GC: variants seen among roughly 807,000 people sequenced by gnomAD.
The protein encoded by GC is vitamin D-binding protein.
Under a neutral mutation model 56.7 loss-of-function variants are expected in GC, and 43 were observed. That is an observed-to-expected ratio of 0.76 (90% CI 0.59 to 0.98). The LOEUF (loss-of-function observed/expected upper bound fraction) is 0.98, where lower values mean the gene tolerates loss of function less well. Ranked by LOEUF, GC falls within the 50% of genes least tolerant of loss-of-function variation. The pLI is 0.00. For synonymous variants in GC, 216 were observed against 202.7 expected, an observed-to-expected ratio of 1.07 and a Z score of -0.56; for missense variants, 529 against 545.9, an observed-to-expected ratio of 0.97 and a Z score of 0.31.
intron 1 of GC, among the ~76,000 whole-genome samples, chr4:71,796,063 G>A (rs548173454): frequency 1.3e-5 from 2 of 152,280 alleles, no homozygotes; most frequent in East Asian, 3.9e-4. Context: ...TGGGTAACCC[G>A]ACCTTTCTCT....
intron 1 of GC, among the ~76,000 whole-genome samples, chr4:71,771,820 T>C (rs1742352804): frequency 6.6e-6 from 1 of 152,162 alleles, no homozygotes; most frequent in South Asian, 2.1e-4. Flanking sequence ...TGGTATTTTA[T>C]GGAATTGAAG....
chr4:71,789,251 A>G (rs1435750786), intron 1 of GC, among the ~76,000 whole-genome samples: 2 of 151,966 alleles, frequency 1.3e-5, no homozygotes, highest in South Asian at 2.1e-4. Flanking sequence ...ACCCTGATAG[A>G]TGTCCCCAAA....
intron 11 of GC, among the ~76,000 whole-genome samples, chr4:71,747,992 A>C (rs779531593): frequency 6.6e-6 from 1 of 152,206 alleles, no homozygotes; most frequent in African/African-American, 2.4e-5. Context: ...TGCTTTTGTC[A>C]TGACTAGCTA....
intron 1 of GC, among the ~76,000 whole-genome samples, chr4:71,780,908 T>A (rs565486574): frequency 6.6e-6 from 1 of 152,120 alleles, no homozygotes; most frequent in East Asian, 1.9e-4. Context: ...GGATTTTAAA[T>A]CATGCTGCTA....
chr4:71,744,520 T>C (rs963059682), intron 12 of GC, among the ~76,000 whole-genome samples: 3 of 146,608 alleles, frequency 2.0e-5, no homozygotes, highest in Admixed American at 2.0e-4. Flanking sequence ...TCTCTTGAAA[T>C]CCATCAAATT....
At chr4:71,790,561 A>G (rs1246449464) in intron 1 of GC, among the ~76,000 whole-genome samples, 3 of 150,480 alleles carry the variant, frequency 2.0e-5, no homozygotes, top group Non-Finnish European at 4.4e-5. Flanking sequence ...TTTCTTCTGT[A>G]TTTTTTCCTT....
chr4:71,793,765 C>G (rs1026047679), intron 1 of GC, among the ~76,000 whole-genome samples: 41 of 152,046 alleles, frequency 2.7e-4, no homozygotes, highest in African/African-American at 8.0e-4. Context: ...TGGTTTTTGC[C>G]CATTCAGTAT....
At chr4:71,759,723 C>G (rs1444136528) in intron 6 of GC, 1 of 151,372 alleles carries the variant, frequency 6.6e-6, no homozygotes, top group Non-Finnish European at 1.5e-5. Flanking sequence ...TCTTTTACCC[C>G]TATTTTAATT....
At chr4:71,773,803 G>C (rs1252304983) in intron 1 of GC, among the ~76,000 whole-genome samples, 1 of 151,928 alleles carries the variant, frequency 6.6e-6, no homozygotes, top group African/African-American at 2.4e-5. Context: ...TAACAGCTCT[G>C]TTGGGCATTT....
At chr4:71,766,996 T>C (rs1202055233) in intron 3 of GC, among the ~76,000 whole-genome samples, 3 of 152,162 alleles carry the variant, frequency 2.0e-5, no homozygotes, top group Non-Finnish European at 4.4e-5. Flanking sequence ...TATTAGCAAA[T>C]ATATGAAATA....
At chr4:71,785,662 A>G (rs894956136), upstream of GC, among the ~76,000 whole-genome samples, 4 of 151,804 alleles carry the variant, frequency 2.6e-5, no homozygotes, top group South Asian at 2.1e-4. Flanking sequence ...AGCCAACTCT[A>G]TCTTGTTCAA....
At chr4:71,783,314 C>G (rs1411650623) in intron 1 of GC, among the ~76,000 whole-genome samples, 1 of 151,724 alleles carries the variant, frequency 6.6e-6, no homozygotes, top group Non-Finnish European at 1.5e-5. Context: ...TTCCCATAAT[C>G]TCAGTCTTTA....
intron 6 of GC, among the ~76,000 whole-genome samples, chr4:71,760,037 A>G (rs1477288439): frequency 2.2e-5 from 3 of 139,140 alleles, no homozygotes; most frequent in African/African-American, 7.7e-5. Context: ...ATTTAAAGAA[A>G]CTAGTTTTTT....
Sources: allele counts gnomAD v4.1 joint callset (sites outside exome capture counted in the v4.1 genomes callset), GRCh38; gene constraint gnomAD v4.1.1; transcripts MANE v1.5; gene names NCBI Gene and HGNC (gene_info 2026-07-23, HGNC 2026-07-21).